The following RBPMS2 variants were observed in gnomAD, a reference collection of about 807,000 sequenced individuals.
RBPMS2 encodes RNA binding protein, mRNA processing factor 2, also known as RNA-binding protein with multiple splicing 2.
In RBPMS2, 14 loss-of-function variants were observed where a neutral mutation model predicts 25.7. The observed-to-expected ratio is 0.55, with a 90% CI of 0.36 to 0.85. The LOEUF (loss-of-function observed/expected upper bound fraction) is 0.85, where lower values mean the gene tolerates loss of function less well. Ranked by LOEUF, RBPMS2 falls within the 40% of genes least tolerant of loss-of-function variation. The probability of loss-of-function intolerance (pLI) is 0.01; values close to 1 mark genes in which losing one functional copy is unlikely to be tolerated. For missense variants in RBPMS2, 252 were observed against 283.4 expected (o/e 0.89, Z 0.80); for synonymous variants, 127 against 115.6 (o/e 1.10, Z -0.63).
At chr15:64,769,323 C>T (rs1465879809) in intron 1 of RBPMS2, among the ~76,000 whole-genome samples, 6 of 150,040 alleles carry the variant, frequency 4.0e-5, no homozygotes, top group African/African-American at 9.8e-5. Flanking sequence ...ACTTGGGAGG[C>T]TGAGGCAGAA....
At chr15:64,756,454 T>C (rs1567067076) in intron 1 of RBPMS2, among the ~76,000 whole-genome samples, 1 of 150,042 alleles carries the variant, frequency 6.7e-6, no homozygotes, top group African/African-American at 2.5e-5. Flanking sequence ...GAGATGGAGG[T>C]TGCAGTGAGC....
At chr15:64,750,881 T>A (rs958396820) in intron 2 of RBPMS2, among the ~76,000 whole-genome samples, 78 of 139,130 alleles carry the variant, frequency 5.6e-4, no homozygotes, top group African/African-American at 2.0e-3. Flanking sequence ...CTACTAAAAA[T>A]ACAAAAACTA....
chr15:64,750,258 G>T, intron 3 of RBPMS2, 85 bp downstream of exon 3: 1 of 1,202,826 alleles, frequency 8.3e-7, no homozygotes, highest in Non-Finnish European at 1.2e-6. Context: ...GATGCCTCTA[G>T]ATTAGGGAAG....
chr15:64,763,658 T>C (rs1183057800), intron 1 of RBPMS2, among the ~76,000 whole-genome samples: 1 of 152,026 alleles, frequency 6.6e-6, no homozygotes, highest in Non-Finnish European at 1.5e-5. Flanking sequence ...AGGTATGGGG[T>C]CCCCATTTTA....
At chr15:64,742,480 G>T (rs954757334) in intron 6 of RBPMS2, among the ~76,000 whole-genome samples, 9 of 152,252 alleles carry the variant, frequency 5.9e-5, no homozygotes, top group African/African-American at 2.2e-4. Flanking sequence ...CCAGAGACTG[G>T]TCAAGAAAAT....
rs187730789 is a variant in RBPMS2, at chr15:64,760,364, T to C, written c.88-8726A>G. Among the ~76,000 whole-genome samples, 3 of 152,312 alleles carry C rather than the reference T, an allele frequency of 2.0e-5. No homozygotes were observed. The East Asian group carries it at 5.8e-4, about 29-fold the overall frequency. ...GATGCTGAGGGATCCAACTCTAAAC[T>C]TCTCAGATACTGTGACCATGAGGAC... On this transcript the variant is annotated intron_variant, in intron 1 of 7. Coordinates refer to ENST00000300069, the MANE Select transcript of RBPMS2 (RefSeq NM_194272.3).
chr15:64,761,362 T>G (rs1317240258), intron 1 of RBPMS2: 2 of 152,186 alleles, frequency 1.3e-5, no homozygotes, highest in Admixed American at 6.5e-5. Flanking sequence ...AGAAACCTTA[T>G]TTTTAGAGGA....
chr15:64,744,798 GTTTTTTTTTTTTTTTTT>G (rs748967917), intron 6 of RBPMS2, among the ~76,000 whole-genome samples: 38 of 46,302 alleles, frequency 8.2e-4, no homozygotes, highest in Middle Eastern at 0.017. Flanking sequence ...GGTTTGTTTT[GTTTTTTTTTTTTTTTTT>G]TTTTTTTTTT....
chr15:64,768,356 G>A (rs945049573), intron 1 of RBPMS2, among the ~76,000 whole-genome samples: 4 of 151,866 alleles, frequency 2.6e-5, no homozygotes, highest in South Asian at 4.2e-4. Context: ...AAAATTAGCC[G>A]AGGCCAGGTG....
At chr15:64,759,983 G>A (rs540773258) in intron 1 of RBPMS2, among the ~76,000 whole-genome samples, 116 of 152,328 alleles carry the variant, frequency 7.6e-4, no homozygotes, top group African/African-American at 2.6e-3. Context: ...TACTCGGCCT[G>A]TGTCTATCAG....
chr15:64,756,950 G>A (rs908382834), intron 1 of RBPMS2, among the ~76,000 whole-genome samples: 3 of 146,454 alleles, frequency 2.0e-5, no homozygotes, highest in Non-Finnish European at 4.5e-5. Context: ...TTATAAGTGC[G>A]AGCCACCATG....
rs1395544265 is a variant in RBPMS2 at position 64,775,528 on chromosome 15, G to T, written c.-209C>A. 2.2e-3 allele frequency: 641 copies of T among 292,580 alleles called. 28 individuals carry two copies. The highest frequency in any genetic ancestry group is 3.6e-3 in the Non-Finnish European group (563 of 158,208). The allele number at this position is 292,580 out of a possible 1,614,324, so 18.1% of individuals were successfully genotyped here. A position where few individuals can be genotyped will look rare whatever the true frequency, so the allele number is the denominator to read the frequency against. On this transcript the variant is annotated 5_prime_UTR_variant, in exon 1 of 8. Transcript: ENST00000300069. ...CGGAAGGTGGGGAGGGGGTGCGGCG[G>T]GGGAGGCAGTGGGAGCCGGAGGGGC...
At chr15:64,745,104 G>T (rs1595784667) in intron 6 of RBPMS2, among the ~76,000 whole-genome samples, 1 of 152,140 alleles carries the variant, frequency 6.6e-6, no homozygotes, top group East Asian at 1.9e-4. Flanking sequence ...ATGAGCCACT[G>T]CGCCTGGCCC....
chr15:64,762,521 C>T (rs1294187496), intron 1 of RBPMS2: 1 of 534,600 alleles, frequency 1.9e-6, no homozygotes, highest in Non-Finnish European at 3.8e-6. Flanking sequence ...TCTGGCTTCC[C>T]CAAGGGAAAG....
At chr15:64,761,301 C>G (rs567143848) in intron 1 of RBPMS2, 1 of 152,196 alleles carries the variant, frequency 6.6e-6, no homozygotes, top group Admixed American at 6.5e-5. Flanking sequence ...CACATCCTTC[C>G]CCAACTCCCA....
chr15:64,763,106 C>T (rs1037221738), intron 1 of RBPMS2, among the ~76,000 whole-genome samples: 4 of 152,060 alleles, frequency 2.6e-5, no homozygotes, highest in Admixed American at 6.6e-5. Flanking sequence ...GCCTGGGCCC[C>T]GCGCTTAGGC....
intron 6 of RBPMS2, among the ~76,000 whole-genome samples, chr15:64,746,389 C>T (rs2083618144): frequency 6.6e-6 from 1 of 152,246 alleles, no homozygotes. Context: ...AACATCACAA[C>T]CATCTGCACT....
intron 1 of RBPMS2, among the ~76,000 whole-genome samples, chr15:64,764,308 T>C (rs2083821519): frequency 6.6e-6 from 1 of 152,148 alleles, no homozygotes; most frequent in South Asian, 2.1e-4. Flanking sequence ...ATTCAAGGCA[T>C]TGGGCTAGAG....
At chr15:64,768,111 G>A (rs990721157) in intron 1 of RBPMS2, among the ~76,000 whole-genome samples, 7 of 152,212 alleles carry the variant, frequency 4.6e-5, no homozygotes, top group African/African-American at 9.6e-5. Flanking sequence ...AGCAAGAATC[G>A]TTTCTTTAGT....
Sources: gnomAD v4.1 joint callset for allele counts (sites outside exome capture counted in the v4.1 genomes callset) on GRCh38, gnomAD v4.1.1 for gene constraint, MANE v1.5 for transcripts, NCBI Gene and HGNC (gene_info 2026-07-23, HGNC 2026-07-21) for gene names.